The following ZFHX3 variants were observed in gnomAD, a reference collection of about 807,000 sequenced individuals.
ZFHX3 encodes zinc finger homeobox 3, also known as zinc finger homeobox protein 3.
Under a neutral mutation model 279.1 loss-of-function variants are expected in ZFHX3, and 42 were observed. The observed-to-expected ratio is 0.15, with a 90% CI of 0.12 to 0.19. ZFHX3 has a LOEUF of 0.19. Ranked by LOEUF, ZFHX3 falls within the 10% of genes least tolerant of loss-of-function variation. The probability of loss-of-function intolerance (pLI) is 1.00; values close to 1 mark genes in which losing one functional copy is unlikely to be tolerated. For missense variants in ZFHX3, 4,981 were observed against 4,754.0 expected, an observed-to-expected ratio of 1.05 and a Z score of -1.40; for synonymous variants, 2,293 against 1,957.8, an observed-to-expected ratio of 1.17 and a Z score of -4.52.
chr16:73,003,682 G>A (rs2144603157), intron 1 of ZFHX3, among the ~76,000 whole-genome samples: 1 of 152,234 alleles, frequency 6.6e-6, no homozygotes, highest in Admixed American at 6.5e-5. Flanking sequence ...CTCCAGCCTG[G>A]ACGAAACAGC....
chr16:73,575,952 C>A (rs962976717), intron 2 of ZFHX3, among the ~76,000 whole-genome samples: 12 of 152,170 alleles, frequency 7.9e-5, no homozygotes, highest in Non-Finnish European at 1.0e-4. Flanking sequence ...GATGTACACA[C>A]AAAATGGATT....
chr16:73,676,482 T>C (rs1330157582), intron 2 of ZFHX3, among the ~76,000 whole-genome samples: 1 of 151,792 alleles, frequency 6.6e-6, no homozygotes, highest in Admixed American at 6.6e-5. Context: ...TCCAAAAAAA[T>C]TGAATACCAA....
chr16:73,004,159 CTTTTTTT>C lies in ZFHX3; in HGVS notation c.-50+43586_-50+43592del, dbSNP rs3081625. 9.9e-4 allele frequency among the ~76,000 whole-genome samples: 49 copies of C among 49,374 alleles called. 1 individual carries two copies. The highest frequency in any genetic ancestry group is 3.0e-3 in the Admixed American group (9 of 3,046). The allele number at this position is 49,374 out of a possible 152,430, so 32.4% of individuals were successfully genotyped here. On this transcript the variant is annotated intron_variant, in intron 1 of 9. Transcript: ENST00000268489. ...CAATAATAACTACATAAAAACACGA[CTTTTTTT>C]TTTTTTTTTTTTTTTTTTAAGTAGA...
chr16:72,865,879 T>C (rs1374450877), intron 4 of ZFHX3, among the ~76,000 whole-genome samples: 1 of 151,788 alleles, frequency 6.6e-6, no homozygotes, highest in African/African-American at 2.4e-5. Flanking sequence ...GGAGTAGGGC[T>C]CCCCTTGCCC....
At chr16:72,864,993 G>A (rs991189415) in intron 4 of ZFHX3, among the ~76,000 whole-genome samples, 3 of 152,204 alleles carry the variant, frequency 2.0e-5, no homozygotes, top group Non-Finnish European at 4.4e-5. Flanking sequence ...TGGGTGTTAG[G>A]TGAGGCCAAT....
At chr16:73,481,970 G>GT (rs1304101658) in intron 2 of ZFHX3, among the ~76,000 whole-genome samples, 2 of 152,172 alleles carry the variant, frequency 1.3e-5, no homozygotes, top group Non-Finnish European at 2.9e-5. Context: ...CAAGTCCAGT[G>GT]TAAGTAACAT....
Position 73,842,646 on chromosome 16 carries a change from T to C in ZFHX3, c.-1608+49005A>G, listed in dbSNP as rs7198695. Among the ~76,000 whole-genome samples the C allele has an allele frequency of 2.0e-3, 300 of 152,286 alleles. 2 individuals carry two copies. Among genetic ancestry groups the C allele is most frequent in the African/African-American group, 6.5e-3 (268 of 41,548 alleles). On this transcript the variant is annotated intron_variant, in intron 1 of 17. Transcript: ENST00000641206. ...CAGGACAGTGACAGCCAAGGCTCCATGCTACTAGTAATAGTTTAAATTAAA... is the reference window on the plus strand; with the variant it reads ...CAGGACAGTGACAGCCAAGGCTCCACGCTACTAGTAATAGTTTAAATTAAA...
At chr16:73,884,946 G>A (rs1470329129) in intron 1 of ZFHX3, among the ~76,000 whole-genome samples, 2 of 152,138 alleles carry the variant, frequency 1.3e-5, no homozygotes, top group Admixed American at 6.5e-5. Flanking sequence ...GTTGCCTCCT[G>A]TTGTTCAAGC....
chr16:73,143,510 TTGC>T (rs1966852929), intron 6 of ZFHX3, among the ~76,000 whole-genome samples: 1 of 152,200 alleles, frequency 6.6e-6, no homozygotes, highest in Admixed American at 6.5e-5. Context: ...TGCTGTTGTC[TTGC>T]AGCAAACCCA....
chr16:73,530,155 A>G (rs780809079), intron 2 of ZFHX3, among the ~76,000 whole-genome samples: 2 of 152,324 alleles, frequency 1.3e-5, no homozygotes, highest in Non-Finnish European at 1.5e-5. Context: ...CACGTCTTAC[A>G]TGGTGGCAGG....
chr16:72,796,587 A>C lies in ZFHX3; in HGVS notation c.6095T>G (p.Leu2032Arg), dbSNP rs751014771. 3.7e-6 allele frequency: 6 copies of C among 1,613,800 alleles called. No individual in the cohort carries two copies. In the South Asian group the frequency reaches 6.6e-5, roughly 18 times the overall value. ...YRDHYDKLYPLRPQTPEPPPP... is the reference protein window; with the variant it reads ...YRDHYDKLYPRRPQTPEPPPP... ...TGGTGGCTCTGGGGTCTGGGGCCTC[A>C]GTGGGTACAGTTTATCGTAGTGGTC... Residue 2032 changes from leucine to arginine, a missense_variant, in exon 9 of 10, where the codon CTG (leucine) becomes CGG (arginine). Leu to Arg is a moderately radical substitution (Grantham distance 102, BLOSUM62 -2). Around this residue, in one of 7 missense-constraint regions of ZFHX3, gnomAD observed 1,751 missense variants for 1,770.0 expected, o/e 0.99. Coordinates refer to ENST00000268489, the MANE Select transcript of ZFHX3 (RefSeq NM_006885.4).
At chr16:73,092,638 C>G (rs187770849) in intron 8 of ZFHX3, 3 of 259,818 alleles carry the variant, frequency 1.2e-5, no homozygotes, top group Non-Finnish European at 2.2e-5. Context: ...AAGCCGAGCG[C>G]GAACGCCGTG....
chr16:73,672,477 A>C lies in ZFHX3; in HGVS notation c.-1547+7703T>G, dbSNP rs1371997710. On this transcript the variant is annotated intron_variant, in intron 2 of 17. Transcript: ENST00000641206. ...TCTCAAGAACATTTCATGTCTGACA[A>C]ATATTTAAGCATTTTTGGGCCTTAT... Among the ~76,000 whole-genome samples, 3 of 152,152 alleles carry C rather than the reference A, an allele frequency of 2.0e-5. No homozygotes were observed. The East Asian group carries it at 5.8e-4, about 29-fold the overall frequency.
chr16:73,357,804 G>A (rs978287592), intron 3 of ZFHX3, among the ~76,000 whole-genome samples: 15 of 152,064 alleles, frequency 9.9e-5, no homozygotes, highest in African/African-American at 3.1e-4. Flanking sequence ...ACATTCCTTC[G>A]GCTCCATCTG....
intron 5 of ZFHX3, among the ~76,000 whole-genome samples, chr16:73,165,598 C>T (rs531992745): frequency 6.6e-6 from 1 of 152,272 alleles, no homozygotes; most frequent in African/African-American, 2.4e-5. Flanking sequence ...TGGCCTGAGT[C>T]AATCCCATTA....
At chr16:73,083,678 C>G (rs1186798464) in intron 8 of ZFHX3, among the ~76,000 whole-genome samples, 1 of 152,162 alleles carries the variant, frequency 6.6e-6, no homozygotes, top group African/African-American at 2.4e-5. Context: ...TACAGGTGCG[C>G]ACCATCACAC....
chr16:73,289,001 T>C (rs992278596), intron 4 of ZFHX3, among the ~76,000 whole-genome samples: 2 of 147,666 alleles, frequency 1.4e-5, no homozygotes, highest in South Asian at 4.6e-4. Flanking sequence ...ATAACGACTT[T>C]GTGTTACATA....
chr16:73,622,989 T>C (rs1342777537), intron 2 of ZFHX3, among the ~76,000 whole-genome samples: 1 of 152,096 alleles, frequency 6.6e-6, no homozygotes, highest in Non-Finnish European at 1.5e-5. Context: ...TGTGAGGCGA[T>C]AGATTACAAA....
intron 2 of ZFHX3, chr16:73,544,069 A>G (rs912785317): frequency 4.6e-5 from 7 of 152,264 alleles, no homozygotes; most frequent in African/African-American, 1.7e-4. Flanking sequence ...CTAATGAAGC[A>G]TCGATCGACT....
Sources: allele counts gnomAD v4.1 joint callset (sites outside exome capture counted in the v4.1 genomes callset), GRCh38; gene constraint gnomAD v4.1.1; regional missense constraint gnomAD v4.1.1; transcripts MANE v1.5; gene names NCBI Gene and HGNC (gene_info 2026-07-23, HGNC 2026-07-21).